The following EXOC2 variants were observed in gnomAD, a reference collection of about 807,000 sequenced individuals.
The protein encoded by EXOC2 is SEC5-like 1.
Under a neutral mutation model 131.8 loss-of-function variants are expected in EXOC2, and 70 were observed. The observed-to-expected ratio is 0.53, with a 90% confidence interval of 0.44 to 0.65. The LOEUF (loss-of-function observed/expected upper bound fraction) is 0.65. Ranked by LOEUF, EXOC2 falls within the 30% of genes least tolerant of loss-of-function variation. The pLI, the probability that EXOC2 is intolerant of heterozygous loss-of-function variation, is 0.00. For synonymous variants in EXOC2, 411 were observed against 398.4 expected, an observed-to-expected ratio of 1.03 and a Z score of -0.38; for missense variants, 923 against 1,108.6, an observed-to-expected ratio of 0.83 and a Z score of 2.38.
intron 1 of EXOC2, among the ~76,000 whole-genome samples, chr6:671,645 T>C (rs768895731): frequency 2.0e-4 from 30 of 152,198 alleles, no homozygotes; most frequent in Non-Finnish European, 3.4e-4. Context: ...TGGCAATAAA[T>C]CCCCTCAATT....
At chr6:562,274 A>G (rs1757740458) in intron 17 of EXOC2, among the ~76,000 whole-genome samples, 1 of 152,150 alleles carries the variant, frequency 6.6e-6, no homozygotes, top group African/African-American at 2.4e-5. Flanking sequence ...CACCCGTGAG[A>G]CAAGTGTGAA....
rs1374568190 is a variant in EXOC2, at chr6:606,907, C to T, written c.742+3191G>A. 2.6e-5 allele frequency among the ~76,000 whole-genome samples: 4 copies of T among 152,204 alleles called. No homozygotes were observed. In the East Asian group the frequency reaches 5.8e-4, roughly 22 times the overall value. ...TCATCTTTATCGACCAATCCCTTCC[C>T]GATCATCCATTTTTGTAAAATGTCA... On this transcript the variant is annotated intron_variant, in intron 7 of 27. Coordinates refer to ENST00000230449, the MANE Select transcript of EXOC2 (RefSeq NM_018303.6).
chr6:579,158 A>T (rs895543195), intron 11 of EXOC2, among the ~76,000 whole-genome samples: 40 of 152,336 alleles, frequency 2.6e-4, no homozygotes, highest in Admixed American at 2.6e-3. Context: ...GAAAATACGC[A>T]TATACCATTC....
At chr6:576,649 C>T (rs1581475321) in intron 12 of EXOC2, 108 bp downstream of exon 12, 1 of 1,345,140 alleles carries the variant, frequency 7.4e-7, no homozygotes, top group African/African-American at 1.5e-5. Flanking sequence ...GCTGATAATA[C>T]TTAGCACCAG....
intron 22 of EXOC2, among the ~76,000 whole-genome samples, chr6:542,388 G>A (rs558986378): frequency 6.6e-6 from 1 of 152,344 alleles, no homozygotes; most frequent in African/African-American, 2.4e-5. Context: ...CGAGAACAAG[G>A]CATCAAAGGA....
At position 586,561 on chromosome 6, in the gene EXOC2, G is replaced by A. The variant is rs146998610; in HGVS notation, c.1192+5908C>T. On this transcript the variant is annotated intron_variant, in intron 11 of 27. Coordinates refer to ENST00000230449, the MANE Select transcript of EXOC2 (RefSeq NM_018303.6). ...TAATAAAGACCAGAAGCACTTCATCGAGCTTGGCTAGTTTCAGGTGCAGCT... is the reference window on the plus strand; with the variant it reads ...TAATAAAGACCAGAAGCACTTCATCAAGCTTGGCTAGTTTCAGGTGCAGCT... Among the ~76,000 whole-genome samples, 23 of 152,302 alleles carry A rather than the reference G, an allele frequency of 1.5e-4. No homozygotes were observed. The East Asian group carries it at 4.2e-3, about 28-fold the overall frequency.
At chr6:546,177 T>C (rs1457339832) in intron 22 of EXOC2, among the ~76,000 whole-genome samples, 1 of 152,116 alleles carries the variant, frequency 6.6e-6, no homozygotes, top group Non-Finnish European at 1.5e-5. Context: ...TGGATCTTAC[T>C]TTTATAAGTT....
chr6:684,912 G>A (rs1480697715), intron 1 of EXOC2, among the ~76,000 whole-genome samples: 3 of 152,138 alleles, frequency 2.0e-5, no homozygotes, highest in African/African-American at 7.2e-5. Context: ...CAAGAAATCT[G>A]AACAAAATGA....
chr6:547,558 G>C (rs1180809928), intron 22 of EXOC2, among the ~76,000 whole-genome samples: 3 of 152,238 alleles, frequency 2.0e-5, no homozygotes, highest in African/African-American at 7.2e-5. Context: ...ATGAAAAACA[G>C]TGGCAGAGTC....
chr6:502,279 A>G (rs1764260676), intron 23 of EXOC2, among the ~76,000 whole-genome samples: 1 of 152,230 alleles, frequency 6.6e-6, no homozygotes, highest in Non-Finnish European at 1.5e-5. Flanking sequence ...TCCTGCAAGA[A>G]CAAGTGTCAG....
At chr6:523,067 A>G (rs1485248980) in intron 23 of EXOC2, among the ~76,000 whole-genome samples, 1 of 152,258 alleles carries the variant, frequency 6.6e-6, no homozygotes, top group Non-Finnish European at 1.5e-5. Context: ...GGAAGAGATC[A>G]GATAGGGAAA....
At chr6:628,291 A>T (rs1761679938) in intron 4 of EXOC2, among the ~76,000 whole-genome samples, 1 of 152,220 alleles carries the variant, frequency 6.6e-6, no homozygotes, top group Non-Finnish European at 1.5e-5. Context: ...AGAGAAGAAA[A>T]GAACATTTTA....
At position 637,684 on chromosome 6, in the gene EXOC2, A is replaced by T. The variant is rs748486500; in HGVS notation, c.118+17T>A. The T allele has an allele frequency of 1.3e-6, 2 of 1,584,952 alleles. No individual in the cohort carries two copies. Among genetic ancestry groups the T allele is most frequent in the Non-Finnish European group, 1.7e-6 (2 of 1,166,068 alleles). On this transcript the variant is annotated intron_variant, in intron 2 of 27. Transcript: ENST00000230449. ...AAATCCGATTAGCAGGGTGCGTCGC[A>T]GGGCCTCTGCCCTTACCTATGAGGT...
intron 17 of EXOC2, among the ~76,000 whole-genome samples, chr6:559,581 G>C (rs1289686321): frequency 6.6e-6 from 1 of 152,164 alleles, no homozygotes; most frequent in Non-Finnish European, 1.5e-5. Flanking sequence ...CCTGCAGATA[G>C]TTATGTGGCT....
intron 22 of EXOC2, among the ~76,000 whole-genome samples, chr6:541,272 AT>A: frequency 6.6e-6 from 1 of 152,360 alleles, no homozygotes; most frequent in South Asian, 2.1e-4. Flanking sequence ...ACTAAAAAAA[AT>A]GAAGAATAAC....
chr6:565,190 T>A (rs1757908981), intron 13 of EXOC2, among the ~76,000 whole-genome samples: 1 of 152,216 alleles, frequency 6.6e-6, no homozygotes, highest in African/African-American at 2.4e-5. Flanking sequence ...AACTACCGAT[T>A]TTACAGGTGA....
At chr6:572,880 G>A (rs1426064110) in intron 12 of EXOC2, among the ~76,000 whole-genome samples, 1 of 152,224 alleles carries the variant, frequency 6.6e-6, no homozygotes, top group Non-Finnish European at 1.5e-5. Context: ...CTCCCTCATG[G>A]CTGACCAGCA....
intron 22 of EXOC2, among the ~76,000 whole-genome samples, chr6:535,259 G>A (rs1353553730): frequency 1.3e-5 from 2 of 152,136 alleles, no homozygotes; most frequent in East Asian, 3.8e-4. Flanking sequence ...CCAGCTACTT[G>A]GGGGCTATGG....
chr6:687,193 T>TTC (rs1446561420), intron 1 of EXOC2, among the ~76,000 whole-genome samples: 2 of 144,342 alleles, frequency 1.4e-5, no homozygotes, highest in African/African-American at 5.1e-5. Context: ...TTTTTTTTTT[T>TTC]TGAGACAGGG....
Sources: allele counts gnomAD v4.1 joint callset (sites outside exome capture counted in the v4.1 genomes callset), GRCh38; gene constraint gnomAD v4.1.1; transcripts MANE v1.5; gene names NCBI Gene and HGNC (gene_info 2026-07-23, HGNC 2026-07-21).